The following RIMS2 variants were observed in gnomAD, a reference collection of about 807,000 sequenced individuals.
The protein encoded by RIMS2 is regulating synaptic membrane exocytosis 2.
In RIMS2, 59 loss-of-function variants were observed where a neutral mutation model predicts 174.4. The observed-to-expected ratio is 0.34, with a 90% confidence interval of 0.27 to 0.42. The LOEUF (loss-of-function observed/expected upper bound fraction) is 0.42, where lower values mean the gene tolerates loss of function less well. Ranked by LOEUF, RIMS2 falls within the 10% of genes least tolerant of loss-of-function variation. The pLI, the probability that RIMS2 is intolerant of heterozygous loss-of-function variation, is 1.00. For missense variants in RIMS2, 1,620 were observed against 1,666.3 expected (o/e 0.97, Z 0.48); for synonymous variants, 606 against 572.5 (o/e 1.06, Z -0.84).
At chr8:103,684,080 A>C (rs2096910480) in intron 1 of RIMS2, among the ~76,000 whole-genome samples, 1 of 152,172 alleles carries the variant, frequency 6.6e-6, no homozygotes, top group Admixed American at 6.6e-5. Flanking sequence ...AGGTTTTATG[A>C]ACTATAGTTT....
chr8:103,928,004 A>G (rs2079113872), intron 11 of RIMS2: 2 of 735,194 alleles, frequency 2.7e-6, no homozygotes. Context: ...AAATCATATT[A>G]TTGACTTTCA....
intron 19 of RIMS2, among the ~76,000 whole-genome samples, chr8:104,113,239 G>A (rs779810883): frequency 1.3e-5 from 2 of 151,960 alleles, no homozygotes; most frequent in African/African-American, 2.4e-5. Flanking sequence ...AAATTTTCTG[G>A]CCTTGACATG....
downstream of RIMS2, chr8:104,252,810 C>T (rs2099362257): frequency 6.6e-6 from 1 of 152,102 alleles, no homozygotes; most frequent in Non-Finnish European, 1.5e-5. Context: ...TCAATATGTG[C>T]AAATTTTTCA....
intron 19 of RIMS2, among the ~76,000 whole-genome samples, chr8:104,146,489 T>G (rs547720910): frequency 6.6e-6 from 1 of 152,320 alleles, no homozygotes; most frequent in East Asian, 1.9e-4. Context: ...CATTAAAATA[T>G]TGTTTATCTG....
intron 3 of RIMS2, among the ~76,000 whole-genome samples, chr8:103,853,180 A>T (rs1463920301): frequency 6.6e-6 from 1 of 151,994 alleles, no homozygotes; most frequent in Non-Finnish European, 1.5e-5. Flanking sequence ...ATGATTAGTG[A>T]TGCTGAGCAT....
At chr8:103,602,735 T>C (rs2094822273) in intron 1 of RIMS2, among the ~76,000 whole-genome samples, 1 of 152,228 alleles carries the variant, frequency 6.6e-6, no homozygotes, top group Non-Finnish European at 1.5e-5. Flanking sequence ...TCCATGTCTT[T>C]GCTACTGTGA....
intron 19 of RIMS2, among the ~76,000 whole-genome samples, chr8:104,085,651 C>T (rs887215921): frequency 2.6e-5 from 4 of 152,136 alleles, no homozygotes; most frequent in South Asian, 2.1e-4. Flanking sequence ...TCATAACCCC[C>T]GATAGCTAAA....
At chr8:103,833,528 A>G (rs1367146613) in intron 3 of RIMS2, among the ~76,000 whole-genome samples, 1 of 151,824 alleles carries the variant, frequency 6.6e-6, no homozygotes, top group Non-Finnish European at 1.5e-5. Flanking sequence ...CAGACTTTTT[A>G]TAGATTATCC....
intron 1 of RIMS2, among the ~76,000 whole-genome samples, chr8:103,676,459 A>C (rs996433327): frequency 2.6e-5 from 4 of 152,142 alleles, no homozygotes; most frequent in Non-Finnish European, 5.9e-5. Context: ...TTTTATAAAC[A>C]CTTTATCCAG....
intron 1 of RIMS2, among the ~76,000 whole-genome samples, chr8:103,583,106 T>C (rs1275406276): frequency 6.6e-6 from 1 of 152,168 alleles, no homozygotes; most frequent in Non-Finnish European, 1.5e-5. Context: ...AGACACTTTA[T>C]GTTTGGGAGA....
At chr8:104,009,379 G>A (rs571164930) in intron 17 of RIMS2, among the ~76,000 whole-genome samples, 8 of 151,324 alleles carry the variant, frequency 5.3e-5, no homozygotes, top group Non-Finnish European at 7.4e-5. Context: ...CTGCAGCCTC[G>A]ACCTCCTGAG....
At chr8:103,543,283 T>C (rs1483147319) in intron 1 of RIMS2, among the ~76,000 whole-genome samples, 1 of 151,928 alleles carries the variant, frequency 6.6e-6, no homozygotes. Flanking sequence ...CTACAAAAAA[T>C]ATCTAGGAAT....
At chr8:104,134,575 A>C (rs2098502776) in intron 19 of RIMS2, among the ~76,000 whole-genome samples, 1 of 152,196 alleles carries the variant, frequency 6.6e-6, no homozygotes. Context: ...TTAATTATTC[A>C]GTCAGAATTG....
intron 19 of RIMS2, among the ~76,000 whole-genome samples, chr8:104,184,513 T>G (rs2098958081): frequency 6.6e-6 from 1 of 151,580 alleles, no homozygotes; most frequent in Admixed American, 6.6e-5. Flanking sequence ...TTGAAAAGCA[T>G]AAGAAATATG....
chr8:103,518,091 A>G (rs1829887724), intron 1 of RIMS2, among the ~76,000 whole-genome samples: 2 of 152,100 alleles, frequency 1.3e-5, no homozygotes, highest in Non-Finnish European at 2.9e-5. Flanking sequence ...TTGTAGCAAA[A>G]TGGTGGGTAT....
intron 2 of RIMS2, 95 bp from the exon 6 acceptor site, chr8:103,766,129 AACC>A (rs2098168148): frequency 1.4e-6 from 1 of 704,666 alleles, no homozygotes; most frequent in African/African-American, 1.8e-5. Context: ...TCAGAAGGAT[AACC>A]ACGTAATTTT....
At chr8:104,139,737 T>C (rs1039349855) in intron 19 of RIMS2, among the ~76,000 whole-genome samples, 3 of 152,214 alleles carry the variant, frequency 2.0e-5, no homozygotes, top group Non-Finnish European at 4.4e-5. Context: ...TTCTTTCCAA[T>C]TTGGATGCCC....
At chr8:103,992,684 A>G (rs559633648) in intron 17 of RIMS2, among the ~76,000 whole-genome samples, 61 of 152,276 alleles carry the variant, frequency 4.0e-4, no homozygotes, top group Non-Finnish European at 6.6e-4. Context: ...TTAAATTTTT[A>G]TTAGGTCTTT....
At chr8:104,196,617 T>C (rs1268394009) in intron 19 of RIMS2, among the ~76,000 whole-genome samples, 4 of 152,168 alleles carry the variant, frequency 2.6e-5, no homozygotes, top group Admixed American at 2.0e-4. Context: ...TGTTTGATGA[T>C]AGTACAGTTT....
Sources: gnomAD v4.1 joint callset for allele counts (sites outside exome capture counted in the v4.1 genomes callset) on GRCh38, gnomAD v4.1.1 for gene constraint, MANE v1.5 for transcripts, NCBI Gene and HGNC (gene_info 2026-07-23, HGNC 2026-07-21) for gene names.